The following CACNG3 variants were observed in gnomAD, a reference collection of about 807,000 sequenced individuals.
CACNG3 encodes the protein calcium voltage-gated channel auxiliary subunit gamma 3.
In CACNG3, 3 loss-of-function variants were observed where a neutral mutation model predicts 28.5. The observed-to-expected ratio is 0.11, with a 90% CI of 0.05 to 0.27. CACNG3 has a LOEUF of 0.27. Among genes scored for constraint, CACNG3 ranks in the 10% least tolerant of loss-of-function variants. CACNG3 has a pLI of 1.00. For synonymous variants in CACNG3, 174 were observed against 162.2 expected, an observed-to-expected ratio of 1.07 and a Z score of -0.55; for missense variants, 236 against 414.4, an observed-to-expected ratio of 0.57 and a Z score of 3.74.
rs1423992165 is a variant in CACNG3, at chr16:24,361,118, G to A, written c.437-234G>A. Among the ~76,000 whole-genome samples the A allele has an allele frequency of 6.6e-6, 1 of 152,160 alleles. No homozygotes were observed. Among genetic ancestry groups the A allele is most frequent in the African/African-American group, 2.4e-5 (1 of 41,418 alleles). ...TCTGAGTTCTTCCGTACTTGCTGTA[G>A]GAGTAGGGTGTATTCTTCAGCTGAA... On this transcript the variant is annotated intron_variant, in intron 3 of 3. Coordinates refer to ENST00000005284, the MANE Select transcript of CACNG3 (RefSeq NM_006539.4). This position sits in a 1 kb window ranked among gnomAD's most constrained non-coding sequence, Gnocchi z 6.8.
At chr16:24,305,173 G>A (rs971180566) in intron 1 of CACNG3, among the ~76,000 whole-genome samples, 4 of 152,058 alleles carry the variant, frequency 2.6e-5, no homozygotes, top group African/African-American at 9.7e-5. Flanking sequence ...ATTCTGGTGG[G>A]GGATGTTGAT....
At chr16:24,347,357 T>TGAGAAA (rs201110222) in intron 2 of CACNG3, among the ~76,000 whole-genome samples, 40 of 149,952 alleles carry the variant, frequency 2.7e-4, no homozygotes, top group South Asian at 6.4e-4. Flanking sequence ...AGAATGAGAA[T>TGAGAAA]GAGAAAGAGA....
At chr16:24,284,862 G>A (rs2238505) in intron 1 of CACNG3, among the ~76,000 whole-genome samples, 30,826 of 148,500 alleles carry the variant, frequency 0.21, 3,593 homozygotes, top group Non-Finnish European at 0.28. Context: ...TGATTAACTA[G>A]CTTGCCATTT....
chr16:24,285,438 C>T (rs1160336505), intron 1 of CACNG3, among the ~76,000 whole-genome samples: 1 of 152,190 alleles, frequency 6.6e-6, no homozygotes, highest in African/African-American at 2.4e-5. Context: ...TCATCCCCTT[C>T]CAAAGTAACT....
At chr16:24,317,568 A>C (rs144752806) in intron 1 of CACNG3, among the ~76,000 whole-genome samples, 1,108 of 51,708 alleles carry the variant, frequency 0.021, 41 homozygotes, top group African/African-American at 0.087. Flanking sequence ...GAAAGAAAGA[A>C]AGAAAGAAAG....
chr16:24,341,405 T>TGATC (rs1474904626), intron 1 of CACNG3, among the ~76,000 whole-genome samples: 1 of 152,204 alleles, frequency 6.6e-6, no homozygotes, highest in Non-Finnish European at 1.5e-5. Context: ...GTGTCTCTTG[T>TGATC]GATCCTAAAG....
chr16:24,346,651 C>G, intron 1 of CACNG3, 83 bp from the exon 2 acceptor site: 1 of 895,324 alleles, frequency 1.1e-6, no homozygotes, highest in Non-Finnish European at 1.8e-6. Context: ...GAGAAAGGAT[C>G]TGCACATAGC....
At chr16:24,301,298 T>C (rs1252344417) in intron 1 of CACNG3, among the ~76,000 whole-genome samples, 1 of 151,848 alleles carries the variant, frequency 6.6e-6, no homozygotes, top group Non-Finnish European at 1.5e-5. Flanking sequence ...TTAGAAAATA[T>C]GGGTAACATT....
intron 1 of CACNG3, among the ~76,000 whole-genome samples, chr16:24,317,846 C>G (rs1012026375): frequency 1.3e-5 from 2 of 152,186 alleles, no homozygotes; most frequent in African/African-American, 4.8e-5. Flanking sequence ...GGATTCTGCA[C>G]CCCCTGAAGC....
In CACNG3 at chr16:24,317,564, AAGAAAGAAAG is replaced by A. The variant is rs1311455701; in HGVS notation, c.212-29168_212-29159del. ...CAAAAAAAAAAAAGAAAAAGAAAGA[AAGAAAGAAAG>A]AAAGAAAGAAAGAAAGAAAGAAAGA... is the stretch of plus-strand genomic sequence containing the variant. On this transcript the variant is annotated intron_variant, in intron 1 of 3. Coordinates refer to ENST00000005284, the MANE Select transcript of CACNG3 (RefSeq NM_006539.4). Among the ~76,000 whole-genome samples the A allele has an allele frequency of 2.6e-4, 11 of 42,278 alleles. No homozygotes were observed. The East Asian group carries it at 3.6e-3, about 14-fold the overall frequency. 27.7% of individuals were successfully genotyped at this position (42,278 alleles called of 152,430 possible). A position where few individuals can be genotyped will look rare whatever the true frequency, so the allele number is the denominator to read the frequency against.
intron 1 of CACNG3, among the ~76,000 whole-genome samples, chr16:24,275,271 A>T (rs1898738613): frequency 1.3e-5 from 2 of 152,158 alleles, no homozygotes; most frequent in Non-Finnish European, 2.9e-5. Context: ...TGGTAGGTAA[A>T]ACTGTTGGAG....
chr16:24,313,430 T>C (rs921208756), intron 1 of CACNG3, among the ~76,000 whole-genome samples: 1 of 152,220 alleles, frequency 6.6e-6, no homozygotes, highest in African/African-American at 2.4e-5. Flanking sequence ...TACACTAAGT[T>C]GTCTCAAGAG....
chr16:24,340,721 A>C lies in CACNG3; in HGVS notation c.212-6013A>C, dbSNP rs138718987. ...AAGCCAGTCTCTACAACTGCACTTC[A>C]ACACCTCCGGAAATCTCTTTTGGCT... On this transcript the variant is annotated intron_variant, in intron 1 of 3. Transcript: ENST00000005284. Among the ~76,000 whole-genome samples the C allele has an allele frequency of 2.5e-3, 374 of 152,262 alleles. 6 individuals carry two copies. The highest frequency in any genetic ancestry group is 0.024 in the Middle Eastern group (7 of 294).
intron 1 of CACNG3, among the ~76,000 whole-genome samples, chr16:24,344,873 A>G (rs1387359720): frequency 6.6e-6 from 1 of 152,238 alleles, no homozygotes; most frequent in Non-Finnish European, 1.5e-5. Flanking sequence ...GCTACTATTC[A>G]TAGTGTAATG....
chr16:24,350,229 C>T (rs1282097722), intron 2 of CACNG3, among the ~76,000 whole-genome samples: 2 of 152,208 alleles, frequency 1.3e-5, no homozygotes, highest in Non-Finnish European at 2.9e-5. Context: ...AGTGGGGTCT[C>T]CCCACCAATG....
chr16:24,343,985 C>T (rs866861029), intron 1 of CACNG3, among the ~76,000 whole-genome samples: 10 of 151,720 alleles, frequency 6.6e-5, no homozygotes, highest in South Asian at 6.2e-4. Context: ...GCTACTCAGG[C>T]GGCTGAGGCA....
At chr16:24,316,804 T>C (rs1899358237) in intron 1 of CACNG3, among the ~76,000 whole-genome samples, 1 of 152,200 alleles carries the variant, frequency 6.6e-6, no homozygotes, top group Non-Finnish European at 1.5e-5. Flanking sequence ...AGTGGCCCCA[T>C]GTGGAGTGGA....
At chr16:24,339,489 G>C (rs1377998131) in intron 1 of CACNG3, among the ~76,000 whole-genome samples, 3 of 151,820 alleles carry the variant, frequency 2.0e-5, no homozygotes, top group African/African-American at 7.3e-5. Flanking sequence ...AGGTTAGACA[G>C]ATTCTCCTGC....
chr16:24,350,469 T>C (rs1482648580), intron 2 of CACNG3, among the ~76,000 whole-genome samples: 1 of 152,252 alleles, frequency 6.6e-6, no homozygotes, highest in East Asian at 1.9e-4. Context: ...GGCTAATTTC[T>C]TTTTACATTT....
Sources: gnomAD v4.1 joint callset for allele counts (sites outside exome capture counted in the v4.1 genomes callset) on GRCh38, gnomAD v4.1.1 for gene constraint, Gnocchi (gnomAD v3.1) non-coding constraint, MANE v1.5 for transcripts, NCBI Gene and HGNC (gene_info 2026-07-23, HGNC 2026-07-21) for gene names.